The following ZNF621 variants were observed in gnomAD, a reference collection of about 807,000 sequenced individuals.
ZNF621 encodes the protein zinc finger protein 621.
Under a neutral mutation model 12.7 loss-of-function variants are expected in ZNF621, and 6 were observed. The ratio of observed to expected loss-of-function variants is 0.47; its 90% CI spans 0.26 to 0.93. ZNF621 has a LOEUF of 0.93. ZNF621 is among the 40% of genes least tolerant of loss of function. ZNF621 has a pLI of 0.15. For synonymous variants in ZNF621, 156 were observed against 190.3 expected (o/e 0.82, Z 1.48); for missense variants, 474 against 524.0 (o/e 0.90, Z 0.93).
Position 40,532,732 on chromosome 3 carries a change from G to A in ZNF621, c.962G>A (p.Cys321Tyr). The change falls in exon 5 of 5, where the codon TGT becomes TAT. Residue 321 changes from cysteine (C) to tyrosine (Y), a missense_variant. Coordinates refer to ENST00000339296, the MANE Select transcript of ZNF621 (RefSeq NM_198484.5). ...CACACTGGGGAGAAGCCTTATGAAT[G>A]TAAGGTGTGTGGGAAAGCCTTCAAA... ...RVHTGEKPYE[C>Y]KVCGKAFKWY... 1.9e-6 allele frequency: 3 copies of A among 1,614,212 alleles called. No homozygotes were observed. Among genetic ancestry groups the A allele is most frequent in the Non-Finnish European group, 2.5e-6 (3 of 1,180,038 alleles).
At chr3:40,525,515 AGGGCT>A in intron 1 of ZNF621, 2 of 564,136 alleles carry the variant, frequency 3.5e-6, no homozygotes, top group Non-Finnish European at 6.3e-6. Flanking sequence ...CAATAGGGAC[AGGGCT>A]CTTGGGTCCC....
chr3:40,532,778 G>T lies in ZNF621; in HGVS notation c.1008G>T (p.Gln336His). 3 of 1,614,200 alleles carry T rather than the reference G, an allele frequency of 1.9e-6. No individual in the cohort carries two copies. The highest frequency in any genetic ancestry group is 2.5e-6 in the Non-Finnish European group (3 of 1,180,042). Residue 336 changes from glutamine (Q) to histidine (H), a missense_variant, in exon 5 of 5, where the codon CAG becomes CAT. Transcript: ENST00000339296. ...KAFKWYGSFV[Q>H]HQKLHPVEKK... is the part of the protein sequence containing the mutation. Reference sequence around the variant, plus strand: ...TCAAATGGTATGGAAGTTTTGTTCAGCATCAGAAATTGCACCCTGTGGAGA... The same window carrying T: ...TCAAATGGTATGGAAGTTTTGTTCATCATCAGAAATTGCACCCTGTGGAGA...
At chr3:40,530,360 C>A (rs762402175) in intron 4 of ZNF621, 44 bp downstream of exon 4, 1 of 1,508,668 alleles carries the variant, frequency 6.6e-7, no homozygotes, top group East Asian at 2.3e-5. Context: ...TTTTGCCTTC[C>A]TGGTTTACTA....
rs1698796580 is a variant in ZNF621 at position 40,533,768 on chromosome 3, G to A, written c.*678G>A. On this transcript the variant is annotated 3_prime_UTR_variant, in exon 5 of 5. Transcript: ENST00000339296. Reference sequence around the variant, plus strand: ...TACAAGACCTGTGGCTACTGGTAGAGAATTGGAATAAGCTTCCAACAATGG... The same window carrying A: ...TACAAGACCTGTGGCTACTGGTAGAAAATTGGAATAAGCTTCCAACAATGG... The A allele has an allele frequency of 6.6e-6, 1 of 152,554 alleles. No homozygotes were observed. Among genetic ancestry groups the A allele is most frequent in the African/African-American group, 2.4e-5 (1 of 41,434 alleles). The allele number at this position is 152,554 out of a possible 1,614,324, so 9.5% of individuals were successfully genotyped here.
chr3:40,527,280 G>A (rs993661073), intron 2 of ZNF621, among the ~76,000 whole-genome samples: 1 of 151,890 alleles, frequency 6.6e-6, no homozygotes, highest in Non-Finnish European at 1.5e-5. Context: ...GCCTCCCAAA[G>A]TGTTGGGATT....
rs1453316268 is a variant in ZNF621, at chr3:40,538,031, G to A, written c.*4941G>A. Among the ~76,000 whole-genome samples, 1 of 152,166 alleles carries A rather than the reference G, an allele frequency of 6.6e-6. No homozygotes were observed. The highest frequency in any genetic ancestry group is 1.5e-5 in the Non-Finnish European group (1 of 68,028). ...TCTCTTGTTAGGGGTTCATGCAGCT[G>A]GTAACTTTAAGTTGAAGCCAATGCT... On this transcript the variant is annotated 3_prime_UTR_variant, in exon 5 of 5. Coordinates refer to ENST00000339296, the MANE Select transcript of ZNF621 (RefSeq NM_198484.5).
chr3:40,523,323 AT>A (rs1167758939), upstream of ZNF621, among the ~76,000 whole-genome samples: 1 of 152,212 alleles, frequency 6.6e-6, no homozygotes, highest in Non-Finnish European at 1.5e-5. Flanking sequence ...GACCCCTGTA[AT>A]AAAGCAATAT....
At chr3:40,531,737 A>AT (rs973617353) in intron 4 of ZNF621, among the ~76,000 whole-genome samples, 36 of 151,606 alleles carry the variant, frequency 2.4e-4, no homozygotes, top group Non-Finnish European at 4.6e-4. Flanking sequence ...TAATTTTTGT[A>AT]TTTTTTTGTG....
At chr3:40,528,810 CTGTT>C (rs1448325501) in intron 2 of ZNF621, among the ~76,000 whole-genome samples, 1 of 152,128 alleles carries the variant, frequency 6.6e-6, no homozygotes, top group African/African-American at 2.4e-5. Flanking sequence ...GTTGAGGTGT[CTGTT>C]GAGGTCTTTT....
At chr3:40,524,941 C>A, upstream of ZNF621, 1 of 152,290 alleles carries the variant, frequency 6.6e-6, no homozygotes, top group East Asian at 1.9e-4. Flanking sequence ...CCTAGAGGGA[C>A]CCTGGGCGTG....
chr3:40,529,357 C>T lies in ZNF621; in HGVS notation c.63C>T (p.Thr21=). ...TTGAGGATGTGGCTGTTTACTTCAC[C>T]CAGAATCAATGGGCCAGCCTCGACC... ...VTFEDVAVYF[T]QNQWASLDPA... is the part of the protein sequence containing the mutation. Residue 21 remains threonine, a synonymous_variant, in exon 3 of 5, where the codon ACC becomes ACT. Transcript: ENST00000339296. The T allele has an allele frequency of 6.2e-7, 1 of 1,613,860 alleles. No individual in the cohort carries two copies. The highest frequency in any genetic ancestry group is 8.5e-7 in the Non-Finnish European group (1 of 1,179,844).
intron 1 of ZNF621, chr3:40,525,517 G>A (rs1698556506): frequency 1.8e-6 from 1 of 567,206 alleles, no homozygotes; most frequent in Non-Finnish European, 3.1e-6. Flanking sequence ...ATAGGGACAG[G>A]GCTCTTGGGT....
chr3:40,537,600 A>G lies in ZNF621; in HGVS notation c.*4510A>G, dbSNP rs1232919718. 6.6e-6 allele frequency: 1 copy of G among 152,388 alleles called. No individual in the cohort carries two copies. The highest frequency in any genetic ancestry group is 1.5e-5 in the Non-Finnish European group (1 of 68,190). The allele number at this position is 152,388 out of a possible 1,614,324, so 9.4% of individuals were successfully genotyped here. On this transcript the variant is annotated 3_prime_UTR_variant, in exon 5 of 5. Transcript: ENST00000339296. ...CCTGTGTGACAGAATGAAACCAAAA[A>G]AAGTGAAACAGCATTATTACTGATA...
At chr3:40,524,422 C>T (rs963130012), upstream of ZNF621, among the ~76,000 whole-genome samples, 2 of 152,154 alleles carry the variant, frequency 1.3e-5, no homozygotes, top group Non-Finnish European at 2.9e-5. Context: ...TATGTAGCCA[C>T]GGGTGTTTTG....
Position 40,525,783 on chromosome 3 carries a change from T to C in ZNF621, c.-58T>C, listed in dbSNP as rs772515153. 1.9e-6 allele frequency: 3 copies of C among 1,613,928 alleles called. No individual in the cohort carries two copies. Among genetic ancestry groups the C allele is most frequent in the Non-Finnish European group, 2.5e-6 (3 of 1,179,936 alleles). On this transcript the variant is annotated 5_prime_UTR_variant, in exon 2 of 5. An upstream open reading frame in the 5' UTR loses its in-frame stop. Coordinates refer to ENST00000339296, the MANE Select transcript of ZNF621 (RefSeq NM_198484.5). Reference sequence around the variant, plus strand: ...TCATGGCTCTTTTTCTCTTAGCTCTTGAGGATCTTGCTTGTCCAAACCCAG... The same window carrying C: ...TCATGGCTCTTTTTCTCTTAGCTCTCGAGGATCTTGCTTGTCCAAACCCAG...
At chr3:40,530,368 C>T (rs754762728) in intron 4 of ZNF621, 52 bp downstream of exon 4, 2 of 1,458,516 alleles carry the variant, frequency 1.4e-6, no homozygotes, top group Admixed American at 1.7e-5. Flanking sequence ...TCCTGGTTTA[C>T]TAGGTAAGAA....
At position 40,527,557 on chromosome 3, in the gene ZNF621, T is replaced by C. The variant is rs116273143; in HGVS notation, c.24+1693T>C. On this transcript the variant is annotated intron_variant, in intron 2 of 4. Coordinates refer to ENST00000339296, the MANE Select transcript of ZNF621 (RefSeq NM_198484.5). ...ATGTTGGCCAGGCTGCATTTTACTT[T>C]TTAATGTAATTAATTTATTTGTAGT... Among the ~76,000 whole-genome samples, 1,218 of 152,258 alleles carry C rather than the reference T, an allele frequency of 8.0e-3. 16 individuals carry two copies. The highest frequency in any genetic ancestry group is 0.027 in the African/African-American group (1,119 of 41,558).
chr3:40,525,718 A>G (rs1698562529), intron 1 of ZNF621, 61 bp from the exon 2 acceptor site: 2 of 1,330,272 alleles, frequency 1.5e-6, no homozygotes, highest in African/African-American at 1.4e-5. Context: ...TGGGAGGGCC[A>G]TAGGTTGCTG....
rs1698806339 is a variant in ZNF621, at chr3:40,534,144, A to G, written c.*1054A>G. 2.0e-5 allele frequency: 3 copies of G among 152,138 alleles called. No homozygotes were observed. In the South Asian group the frequency reaches 6.2e-4, roughly 32 times the overall value. 9.4% of individuals were successfully genotyped at this position (152,138 alleles called of 1,614,324 possible). On this transcript the variant is annotated 3_prime_UTR_variant, in exon 5 of 5. Transcript: ENST00000339296. Reference sequence around the variant, plus strand: ...TTTTTCTTTGTGAGCACTGGCTTCTATATTTTATTTCATATTTATGAATTA... The same window carrying G: ...TTTTTCTTTGTGAGCACTGGCTTCTGTATTTTATTTCATATTTATGAATTA...
Sources: allele counts gnomAD v4.1 joint callset (sites outside exome capture counted in the v4.1 genomes callset), GRCh38; gene constraint gnomAD v4.1.1; transcripts MANE v1.5; gene names NCBI Gene and HGNC (gene_info 2026-07-23, HGNC 2026-07-21).